Variants in PPARGC1A observed in about 807,000 individuals in gnomAD.
PPARGC1A encodes the protein peroxisome proliferator-activated receptor gamma coactivator 1-alpha.
In PPARGC1A, 25 loss-of-function variants were observed where a neutral mutation model predicts 88.7. The observed-to-expected ratio is 0.28, with a 90% confidence interval of 0.21 to 0.39. The LOEUF is 0.39. Among genes scored for constraint, PPARGC1A ranks in the 10% least tolerant of loss-of-function variants. The pLI is 1.00. For missense variants in PPARGC1A, 880 were observed against 968.7 expected, an observed-to-expected ratio of 0.91 and a Z score of 1.22; for synonymous variants, 363 against 355.6, an observed-to-expected ratio of 1.02 and a Z score of -0.24.
chr4:23,979,433 A>T, the PPARGC1A span, among the ~76,000 whole-genome samples: 1 of 152,140 alleles, frequency 6.6e-6, no homozygotes, highest in African/African-American at 2.4e-5. Flanking sequence ...CATGGTTACA[A>T]TTATTAGTTT....
At chr4:24,044,184 T>C in the PPARGC1A span, among the ~76,000 whole-genome samples, 2 of 152,238 alleles carry the variant, frequency 1.3e-5, no homozygotes, top group Non-Finnish European at 2.9e-5. Flanking sequence ...CTGCTGCCTT[T>C]ACCAAAGGAA....
At chr4:24,378,313 G>A in the PPARGC1A span, among the ~76,000 whole-genome samples, 2 of 151,940 alleles carry the variant, frequency 1.3e-5, no homozygotes, top group Non-Finnish European at 2.9e-5. Context: ...CTCCAGCCTG[G>A]GCAGCAGAGT....
chr4:24,328,865 G>A, the PPARGC1A span, among the ~76,000 whole-genome samples: 2 of 152,202 alleles, frequency 1.3e-5, no homozygotes, highest in Non-Finnish European at 2.9e-5. Context: ...GGTTAGTGCA[G>A]GTGGCTTTCA....
At chr4:24,402,131 G>A in the PPARGC1A span, among the ~76,000 whole-genome samples, 2 of 152,202 alleles carry the variant, frequency 1.3e-5, no homozygotes, top group African/African-American at 4.8e-5. Context: ...CAGAATACAG[G>A]AAAGGCCTGG....
chr4:24,279,270 G>A, the PPARGC1A span, among the ~76,000 whole-genome samples: 2 of 152,164 alleles, frequency 1.3e-5, no homozygotes, highest in African/African-American at 4.8e-5. Flanking sequence ...GCAGATAAAT[G>A]AGAAGCCTTG....
chr4:24,238,022 C>T, the PPARGC1A span, among the ~76,000 whole-genome samples: 45 of 152,310 alleles, frequency 3.0e-4, no homozygotes, highest in African/African-American at 8.7e-4. Flanking sequence ...AGGAAATCGA[C>T]ACACAGAGAG....
the PPARGC1A span, among the ~76,000 whole-genome samples, chr4:24,469,726 G>A: frequency 8.5e-5 from 13 of 152,202 alleles, 1 homozygote; most frequent in African/African-American, 3.1e-4. Flanking sequence ...TGCCTCTTGG[G>A]GAAACGCTTT....
At chr4:24,302,643 G>T in the PPARGC1A span, among the ~76,000 whole-genome samples, 1 of 152,162 alleles carries the variant, frequency 6.6e-6, no homozygotes, top group Non-Finnish European at 1.5e-5. Context: ...AACTTCCCAC[G>T]GTCACTTAGC....
chr4:23,922,447 A>G, the PPARGC1A span, among the ~76,000 whole-genome samples: 4,073 of 152,332 alleles, frequency 0.027, 74 homozygotes, highest in Non-Finnish European at 0.038. Context: ...GAATAGATGC[A>G]TTCACACAAT....
chr4:23,913,265 TATAGAGAGAGAGAGAGAGAG>T, the PPARGC1A span, among the ~76,000 whole-genome samples: 25 of 58,810 alleles, frequency 4.3e-4, no homozygotes, highest in African/African-American at 1.7e-3. Flanking sequence ...TATATATATA[TATAGAGAGAGAGAGAGAGAG>T]AGAGAGAGAG....
the PPARGC1A span, among the ~76,000 whole-genome samples, chr4:24,167,535 G>T: frequency 1.5e-3 from 233 of 152,250 alleles, 1 homozygote; most frequent in African/African-American, 5.3e-3. Context: ...ATGCTACAGA[G>T]AACTCCTTGG....
chr4:24,020,203 T>C, the PPARGC1A span, among the ~76,000 whole-genome samples: 1 of 152,186 alleles, frequency 6.6e-6, no homozygotes, highest in Admixed American at 6.5e-5. Context: ...CTAAAACCTA[T>C]TGTTCAAAGA....
chr4:24,324,501 TTCC>T, the PPARGC1A span, among the ~76,000 whole-genome samples: 16 of 152,036 alleles, frequency 1.1e-4, no homozygotes, highest in Non-Finnish European at 2.1e-4. Flanking sequence ...CCACCTTCCA[TTCC>T]TCCTCCTTCT....
chr4:24,197,455 C>T, the PPARGC1A span, among the ~76,000 whole-genome samples: 1 of 152,210 alleles, frequency 6.6e-6, no homozygotes, highest in African/African-American at 2.4e-5. Flanking sequence ...CTCTTTTGAA[C>T]TTGCCTCATC....
chr4:24,175,409 T>G, the PPARGC1A span, among the ~76,000 whole-genome samples: 1 of 150,176 alleles, frequency 6.7e-6, no homozygotes, highest in Non-Finnish European at 1.5e-5. Flanking sequence ...AGTTTCACTT[T>G]TGTCACCCAG....
the PPARGC1A span, among the ~76,000 whole-genome samples, chr4:24,345,066 A>T: frequency 1.1e-4 from 16 of 151,904 alleles, no homozygotes; most frequent in Non-Finnish European, 2.1e-4. Flanking sequence ...GTTGGCTGCA[A>T]GTATTTCCAT....
the PPARGC1A span, among the ~76,000 whole-genome samples, chr4:24,317,072 A>ATAC: frequency 6.6e-6 from 1 of 152,120 alleles, no homozygotes; most frequent in African/African-American, 2.4e-5. Context: ...CAGGTAAGTA[A>ATAC]TATTATTATT....
chr4:24,272,288 C>T, the PPARGC1A span, among the ~76,000 whole-genome samples: 1 of 152,162 alleles, frequency 6.6e-6, no homozygotes. Context: ...TCCTAACACT[C>T]ATCCTCTCTT....
At chr4:24,213,855 G>C in the PPARGC1A span, among the ~76,000 whole-genome samples, 1 of 152,310 alleles carries the variant, frequency 6.6e-6, no homozygotes, top group South Asian at 2.1e-4. Context: ...TTATATGTTT[G>C]TACAGAGATA....
Sources: allele counts gnomAD v4.1 joint callset (sites outside exome capture counted in the v4.1 genomes callset), GRCh38; gene constraint gnomAD v4.1.1; transcripts MANE v1.5; gene names NCBI Gene and HGNC (gene_info 2026-07-23, HGNC 2026-07-21).